The following HCRTR2 variants were observed in gnomAD, a reference collection of about 807,000 sequenced individuals.
The protein encoded by HCRTR2 is orexin receptor type 2.
A neutral mutation model predicts 49.0 loss-of-function variants in HCRTR2; 22 were observed. The ratio of observed to expected loss-of-function variants is 0.45; its 90% confidence interval spans 0.32 to 0.64. HCRTR2 has a LOEUF of 0.64. Ranked by LOEUF, HCRTR2 falls within the 30% of genes least tolerant of loss-of-function variation. The pLI is 0.04. For synonymous variants in HCRTR2, 236 were observed against 205.3 expected, an observed-to-expected ratio of 1.15 and a Z score of -1.28; for missense variants, 491 against 559.4, an observed-to-expected ratio of 0.88 and a Z score of 1.23.
rs542882641 is a variant in HCRTR2 at position 55,156,977 on chromosome 6, C to T, written c.-377-17234C>T. Among the ~76,000 whole-genome samples, 3 of 152,024 alleles carry T rather than the reference C, an allele frequency of 2.0e-5. No individual in the cohort carries two copies. In the East Asian group the frequency reaches 5.8e-4, roughly 29 times the overall value. On this transcript the variant is annotated intron_variant, in intron 1 of 7. Transcript: ENST00000615358. The stretch of plus-strand genomic sequence containing the variant: ...ATCTCTGAATATTTTCCCCTAAGAT[C>T]AGAAAAAGACAAAGAGGTCTACTAA...
chr6:55,222,317 A>G (rs1424585890), intron 1 of HCRTR2, among the ~76,000 whole-genome samples: 1 of 151,440 alleles, frequency 6.6e-6, no homozygotes, highest in Non-Finnish European at 1.5e-5. Context: ...AAAAAAAAAA[A>G]GTGTTGAAAG....
rs556369976 is a variant in HCRTR2, at chr6:55,243,988, T to C, written c.224-4651T>C. 4.6e-5 allele frequency among the ~76,000 whole-genome samples: 7 copies of C among 152,194 alleles called. No homozygotes were observed. In the East Asian group the frequency reaches 1.2e-3, roughly 25 times the overall value. On this transcript the variant is annotated intron_variant, in intron 1 of 6. Coordinates refer to ENST00000370862, the MANE Select transcript of HCRTR2 (RefSeq NM_001384272.1). ...ACAGTTTTGGATACTATTTAATTGGTTAAAAAGCTATTGAAATGGAGTATC... is the reference window on the plus strand; with the variant it reads ...ACAGTTTTGGATACTATTTAATTGGCTAAAAAGCTATTGAAATGGAGTATC...
At chr6:55,221,692 A>G (rs1051655112) in intron 1 of HCRTR2, among the ~76,000 whole-genome samples, 6 of 152,004 alleles carry the variant, frequency 3.9e-5, no homozygotes, top group Non-Finnish European at 4.4e-5. Context: ...GGGCGCCTGT[A>G]GTCCCAACTA....
intron 4 of HCRTR2, among the ~76,000 whole-genome samples, chr6:55,265,926 A>G (rs573076622): frequency 2.0e-5 from 3 of 151,944 alleles, no homozygotes; most frequent in South Asian, 4.1e-4. Flanking sequence ...CTCAGTTTCT[A>G]TTTCTATTTG....
intron 1 of HCRTR2, among the ~76,000 whole-genome samples, chr6:55,217,893 C>T (rs979390224): frequency 6.6e-6 from 1 of 152,110 alleles, no homozygotes; most frequent in African/African-American, 2.4e-5. Flanking sequence ...CTTCTTGTTA[C>T]CAAAGCCTGT....
At chr6:55,168,178 A>G (rs1764903238) in intron 1 of HCRTR2, among the ~76,000 whole-genome samples, 1 of 152,210 alleles carries the variant, frequency 6.6e-6, no homozygotes, top group African/African-American at 2.4e-5. Context: ...TAGGAGAAAA[A>G]CAAATATCTT....
chr6:55,215,847 GTC>G (rs1362609790), intron 1 of HCRTR2, among the ~76,000 whole-genome samples: 1 of 152,160 alleles, frequency 6.6e-6, no homozygotes, highest in Admixed American at 6.6e-5. Context: ...ATGAAAGTGT[GTC>G]TCAGTCCATT....
intron 1 of HCRTR2, among the ~76,000 whole-genome samples, chr6:55,214,490 C>T (rs1404917769): frequency 6.6e-6 from 1 of 151,996 alleles, no homozygotes; most frequent in African/African-American, 2.4e-5. Context: ...TGCCACTGTG[C>T]TTGATTAATT....
chr6:55,200,234 CTTGT>C (rs1310978971), intron 1 of HCRTR2, among the ~76,000 whole-genome samples: 2 of 98,868 alleles, frequency 2.0e-5, no homozygotes, highest in Non-Finnish European at 4.0e-5. Flanking sequence ...TGTTTGCTGT[CTTGT>C]GTGTGTGTGT....
At position 55,234,385 on chromosome 6, in the gene HCRTR2, C is replaced by G. The variant is rs560774900; in HGVS notation, c.224-14254C>G. Among the ~76,000 whole-genome samples, 7 of 151,982 alleles carry G rather than the reference C, an allele frequency of 4.6e-5. No homozygotes were observed. In the South Asian group the frequency reaches 1.5e-3, roughly 32 times the overall value. On this transcript the variant is annotated intron_variant, in intron 1 of 6. Transcript: ENST00000370862. ...TACAATTTAAGAAAAAATAGGCTATCTATATTAGATAGTTAAAAGAAGATT... is the reference window on the plus strand; with the variant it reads ...TACAATTTAAGAAAAAATAGGCTATGTATATTAGATAGTTAAAAGAAGATT...
At chr6:55,174,272 A>G, upstream of HCRTR2, 1 of 394,678 alleles carries the variant, frequency 2.5e-6, no homozygotes, top group South Asian at 2.2e-5. Flanking sequence ...TGGAATGAGG[A>G]GTAATTGAGC....
chr6:55,242,387 G>GAA (rs71771116), intron 1 of HCRTR2, among the ~76,000 whole-genome samples: 1 of 151,072 alleles, frequency 6.6e-6, no homozygotes, highest in African/African-American at 2.4e-5. Flanking sequence ...GCCCCTGGGG[G>GAA]AAAAAAAAAT....
chr6:55,125,025 C>G (rs1223118520), intron 1 of HCRTR2, among the ~76,000 whole-genome samples: 1 of 151,406 alleles, frequency 6.6e-6, no homozygotes, highest in Non-Finnish European at 1.5e-5. Flanking sequence ...TGAGATGGGT[C>G]TCCTGAATAC....
At chr6:55,189,250 G>A (rs1357069543) in intron 1 of HCRTR2, among the ~76,000 whole-genome samples, 1 of 152,148 alleles carries the variant, frequency 6.6e-6, no homozygotes. Flanking sequence ...CCTAAAGGGA[G>A]ATTAATTTGG....
At chr6:55,163,052 T>C (rs1391686591) in intron 1 of HCRTR2, among the ~76,000 whole-genome samples, 6 of 151,964 alleles carry the variant, frequency 3.9e-5, no homozygotes, top group Non-Finnish European at 7.4e-5. Context: ...ATTGAGACCA[T>C]GGTGAAACCC....
chr6:55,201,371 C>T (rs978198543), intron 1 of HCRTR2, among the ~76,000 whole-genome samples: 31 of 151,980 alleles, frequency 2.0e-4, no homozygotes, highest in Admixed American at 1.5e-3. Flanking sequence ...AAGTCATGCT[C>T]ATGATTCTGG....
At chr6:55,136,888 G>A (rs564535372) in intron 1 of HCRTR2, among the ~76,000 whole-genome samples, 1 of 152,168 alleles carries the variant, frequency 6.6e-6, no homozygotes, top group Non-Finnish European at 1.5e-5. Context: ...CCACCTTGTG[G>A]CTATGGCATC....
intron 1 of HCRTR2, among the ~76,000 whole-genome samples, chr6:55,223,699 T>G (rs1765942913): frequency 6.6e-6 from 1 of 152,142 alleles, no homozygotes; most frequent in Non-Finnish European, 1.5e-5. Context: ...TGGCGGGCTA[T>G]CACTCCAAAT....
upstream of HCRTR2, among the ~76,000 whole-genome samples, chr6:55,169,545 C>T (rs1174311744): frequency 6.6e-6 from 1 of 150,954 alleles, no homozygotes; most frequent in Admixed American, 6.6e-5. Flanking sequence ...GTCTAGACCC[C>T]CTGTGATTTG....
Sources: allele counts gnomAD v4.1 joint callset (sites outside exome capture counted in the v4.1 genomes callset), GRCh38; gene constraint gnomAD v4.1.1; transcripts MANE v1.5; gene names NCBI Gene and HGNC (gene_info 2026-07-23, HGNC 2026-07-21).